SLC9A7: variants seen among roughly 807,000 people sequenced by gnomAD.
The protein encoded by SLC9A7 is solute carrier family 9 member A7.
Under a neutral mutation model 52.6 loss-of-function variants are expected in SLC9A7, and 19 were observed. The observed-to-expected ratio is 0.36, with a 90% CI of 0.25 to 0.53. The LOEUF is 0.53. SLC9A7 is among the 20% of genes least tolerant of loss of function. The pLI is 0.91. For missense variants in SLC9A7, 455 were observed against 597.9 expected (o/e 0.76, Z 2.49); for synonymous variants, 226 against 252.1 (o/e 0.90, Z 0.98).
intron 1 of SLC9A7, among the ~76,000 whole-genome samples, chrX:46,696,456 C>T (rs1944451232): frequency 1.8e-5 from 2 of 111,551 alleles, no homozygotes; most frequent in African/African-American, 6.5e-5. Context: ...TAGGAGCAAC[C>T]AAAAAATAAA....
At chrX:46,662,839 T>C (rs1483466699) in intron 5 of SLC9A7, among the ~76,000 whole-genome samples, 196 bp from the exon 6 acceptor site, 2 of 111,803 alleles carry the variant, frequency 1.8e-5, no homozygotes, top group Non-Finnish European at 3.8e-5. Context: ...AGCTTTGATA[T>C]GATGCTTGAG....
chrX:46,748,915 T>C (rs1825184927), intron 1 of SLC9A7, among the ~76,000 whole-genome samples: 1 of 110,405 alleles, frequency 9.1e-6, no homozygotes, highest in Admixed American at 9.6e-5. Context: ...TATTAAATTA[T>C]ACAGTTAAAA....
Position 46,682,960 on chromosome X carries a change from AT to A in SLC9A7, c.326-426del, listed in dbSNP as rs1169630244. 9.7e-3 allele frequency among the ~76,000 whole-genome samples: 631 copies of A among 64,856 alleles called. 5 individuals carry two copies. The highest frequency in any genetic ancestry group is 0.031 in the Middle Eastern group (3 of 98). The allele number at this position is 64,856 out of a possible 115,157, so 56.3% of individuals were successfully genotyped here. ...AGGCACCCACCACTACACCCGGCTA[AT>A]TTTTTTTTTTTTTTTTTTTTTGTAT... On this transcript the variant is annotated intron_variant, in intron 1 of 16. Transcript: ENST00000616978.
intron 1 of SLC9A7, among the ~76,000 whole-genome samples, chrX:46,734,710 C>A (rs1007471837): frequency 3.6e-5 from 4 of 110,709 alleles, no homozygotes; most frequent in African/African-American, 9.9e-5. Flanking sequence ...TTTGCATCAC[C>A]ACACTTATTG....
chrX:46,600,020 A>G lies in SLC9A7; in HGVS notation c.*6932T>C, dbSNP rs983998185. On this transcript the variant is annotated 3_prime_UTR_variant, in exon 17 of 17. Transcript: ENST00000616978. ...AAAAGTACCAGATGTATTTTATGTG[A>G]AAAACAAAAGGACAACTTAGGAGGA... The G allele has an allele frequency of 3.6e-5, 4 of 112,289 alleles. No individual in the cohort carries two copies. The highest frequency in any genetic ancestry group is 9.7e-5 in the African/African-American group (3 of 30,891). The allele number at this position is 112,289 out of a possible 1,213,427, so 9.3% of individuals were successfully genotyped here.
At chrX:46,635,537 G>T in intron 13 of SLC9A7, 52 bp downstream of exon 13, 2 of 963,652 alleles carry the variant, frequency 2.1e-6, no homozygotes, top group Non-Finnish European at 3.0e-6. Context: ...AGGTTAGAAA[G>T]AGGAGAAAAG....
At position 46,602,447 on chromosome X, in the gene SLC9A7, T is replaced by C. The variant is rs1476493799; in HGVS notation, c.*4505A>G. 8.9e-6 allele frequency: 1 copy of C among 111,985 alleles called. No homozygotes were observed. The highest frequency in any genetic ancestry group is 1.9e-5 in the Non-Finnish European group (1 of 53,197). The allele number at this position is 111,985 out of a possible 1,213,427, so 9.2% of individuals were successfully genotyped here. On this transcript the variant is annotated 3_prime_UTR_variant, in exon 17 of 17. Transcript: ENST00000616978. Reference sequence around the variant, plus strand: ...CTGCGAGCTCTAGACTAAAGGCTCTTGTCAATCCTGGCTGCACATCAAGAA... The same window carrying C: ...CTGCGAGCTCTAGACTAAAGGCTCTCGTCAATCCTGGCTGCACATCAAGAA...
intron 1 of SLC9A7, among the ~76,000 whole-genome samples, chrX:46,730,668 AATTATATATATATATATAT>A (rs1327448143): frequency 2.0e-5 from 1 of 50,704 alleles, no homozygotes; most frequent in East Asian, 6.9e-4. Context: ...AAAAAAAAAA[AATTATATATATATATATAT>A]ATATATATAT....
intron 12 of SLC9A7, 36 bp from the exon 13 acceptor site, chrX:46,635,684 G>A: frequency 9.0e-7 from 1 of 1,107,756 alleles, no homozygotes; most frequent in Non-Finnish European, 1.2e-6. Context: ...AGTGTGACAG[G>A]GACAACAGGA....
At chrX:46,734,273 A>C (rs1190527374) in intron 1 of SLC9A7, among the ~76,000 whole-genome samples, 1 of 111,767 alleles carries the variant, frequency 8.9e-6, no homozygotes, top group Non-Finnish European at 1.9e-5. Context: ...ACATACGTTT[A>C]AAGTAAAAGG....
intron 16 of SLC9A7, among the ~76,000 whole-genome samples, chrX:46,607,814 C>T (rs1372678440): frequency 9.0e-6 from 1 of 111,403 alleles, no homozygotes; most frequent in Non-Finnish European, 1.9e-5. Context: ...CTTGAACTAT[C>T]AGATGGTAGC....
chrX:46,612,653 C>G (rs983917653), intron 16 of SLC9A7, among the ~76,000 whole-genome samples: 15 of 110,787 alleles, frequency 1.4e-4, no homozygotes, highest in Non-Finnish European at 2.8e-4. Flanking sequence ...GCAGGCCGGG[C>G]ATGGTGGCTC....
At chrX:46,734,365 C>T (rs964678228) in intron 1 of SLC9A7, among the ~76,000 whole-genome samples, 6 of 111,498 alleles carry the variant, frequency 5.4e-5, no homozygotes, top group Non-Finnish European at 3.8e-5. Context: ...AAACTCTAGA[C>T]AATAAATATT....
At chrX:46,746,748 A>G (rs547501593) in intron 1 of SLC9A7, among the ~76,000 whole-genome samples, 4 of 112,514 alleles carry the variant, frequency 3.6e-5, no homozygotes, top group African/African-American at 1.3e-4. Flanking sequence ...CTCAAGAACT[A>G]AAACTAGAAC....
chrX:46,730,691 T>TATATAGATAG (rs1569524459), intron 1 of SLC9A7, among the ~76,000 whole-genome samples: 1 of 72,482 alleles, frequency 1.4e-5, no homozygotes, highest in African/African-American at 4.8e-5. Context: ...TATATATATA[T>TATATAGATAG]ATATATATAT....
At chrX:46,644,232 T>G (rs893481962) in intron 11 of SLC9A7, among the ~76,000 whole-genome samples, 1 of 112,377 alleles carries the variant, frequency 8.9e-6, no homozygotes, top group Non-Finnish European at 1.9e-5. Flanking sequence ...TGGTACCTGA[T>G]CTGCATTAAT....
At chrX:46,725,989 T>C (rs113513694) in intron 1 of SLC9A7, among the ~76,000 whole-genome samples, 1 of 112,324 alleles carries the variant, frequency 8.9e-6, no homozygotes, top group Non-Finnish European at 1.9e-5. Flanking sequence ...CTAAGCTACA[T>C]GACCTGGGCA....
At chrX:46,736,481 T>C (rs1470694737) in intron 1 of SLC9A7, among the ~76,000 whole-genome samples, 3 of 112,106 alleles carry the variant, frequency 2.7e-5, no homozygotes, top group Non-Finnish European at 5.6e-5. Flanking sequence ...TTTTTGGTCT[T>C]GTAATGTATT....
chrX:46,746,613 C>T (rs1039933004), intron 1 of SLC9A7, among the ~76,000 whole-genome samples: 11 of 112,058 alleles, frequency 9.8e-5, no homozygotes, highest in Admixed American at 2.8e-4. Context: ...CCAGTTAAAA[C>T]GGCTTTTATC....
Sources: gnomAD v4.1 joint callset for allele counts (sites outside exome capture counted in the v4.1 genomes callset) on GRCh38, gnomAD v4.1.1 for gene constraint, MANE v1.5 for transcripts, NCBI Gene and HGNC (gene_info 2026-07-23, HGNC 2026-07-21) for gene names.